Variants in GRIN3A observed in about 807,000 individuals in gnomAD.
The protein encoded by GRIN3A is glutamate receptor ionotropic, NMDA 3A.
Under a neutral mutation model 92.4 loss-of-function variants are expected in GRIN3A, and 47 were observed. The observed-to-expected ratio is 0.51, with a 90% CI of 0.40 to 0.65. GRIN3A has a LOEUF of 0.65. GRIN3A is among the 30% of genes least tolerant of loss of function. The pLI is 0.00. For missense variants in GRIN3A, 1,324 were observed against 1,393.1 expected (o/e 0.95, Z 0.79); for synonymous variants, 527 against 540.6 (o/e 0.97, Z 0.35).
In GRIN3A at chr9:101,670,456, G is replaced by A. The variant is rs1460546458; in HGVS notation, c.1956C>T (p.Ser652=). 6.2e-7 allele frequency: 1 copy of A among 1,614,008 alleles called. No individual in the cohort carries two copies. ...CTCGGGTCCTCACTAAGATGCCCAA[G>A]CTGGTGGAGAAGAAAGGGCTGGTGA... ...IDFTSPFFST[S]LGILVRTRDT... Residue 652 remains serine (S), a synonymous_variant, in exon 3 of 9, where the codon AGC becomes AGT. Coordinates refer to ENST00000361820, the MANE Select transcript of GRIN3A (RefSeq NM_133445.3).
At chr9:101,573,756 A>G (rs1192244677) in intron 8 of GRIN3A, among the ~76,000 whole-genome samples, 3 of 144,422 alleles carry the variant, frequency 2.1e-5, no homozygotes, top group Admixed American at 2.1e-4. Context: ...AAGGGATGAT[A>G]GGATGGGGTA....
intron 3 of GRIN3A, among the ~76,000 whole-genome samples, chr9:101,638,124 A>G (rs1828807964): frequency 6.6e-6 from 1 of 152,230 alleles, no homozygotes; most frequent in Admixed American, 6.5e-5. Context: ...ATAGCACTGC[A>G]GTACTCATTT....
chr9:101,594,627 A>G, intron 6 of GRIN3A: 1 of 1,614,222 alleles, frequency 6.2e-7, no homozygotes, highest in Non-Finnish European at 8.5e-7. Context: ...TCCATGTCGT[A>G]AATGCTGAAC....
chr9:101,726,429 C>G (rs573424527), intron 1 of GRIN3A, among the ~76,000 whole-genome samples: 1 of 152,294 alleles, frequency 6.6e-6, no homozygotes, highest in African/African-American at 2.4e-5. Context: ...GCTACCCAAA[C>G]ACCTTCTGGT....
chr9:101,644,829 T>TG (rs1260237624), intron 3 of GRIN3A, among the ~76,000 whole-genome samples: 3 of 151,946 alleles, frequency 2.0e-5, no homozygotes, highest in Non-Finnish European at 2.9e-5. Context: ...CCCCATTTTC[T>TG]GGGGCAGAGC....
intron 2 of GRIN3A, among the ~76,000 whole-genome samples, chr9:101,675,534 G>A (rs951621360): frequency 6.6e-6 from 1 of 151,946 alleles, no homozygotes; most frequent in Non-Finnish European, 1.5e-5. Flanking sequence ...CACTGTCCTA[G>A]GTGCTGGGGG....
intron 3 of GRIN3A, 122 bp downstream of exon 3, chr9:101,669,938 T>C (rs1465409262): frequency 1.3e-6 from 1 of 758,244 alleles, no homozygotes; most frequent in Non-Finnish European, 2.2e-6. Context: ...GACTAGTCTC[T>C]ATACTTGGCT....
chr9:101,575,645 A>G (rs1564117166), intron 8 of GRIN3A, among the ~76,000 whole-genome samples: 1 of 152,190 alleles, frequency 6.6e-6, no homozygotes, highest in Non-Finnish European at 1.5e-5. Flanking sequence ...TTCTCCAAGC[A>G]TTTCCTCAAA....
chr9:101,705,187 GC>G (rs1829798056), intron 1 of GRIN3A, among the ~76,000 whole-genome samples: 1 of 152,044 alleles, frequency 6.6e-6, no homozygotes, highest in African/African-American at 2.4e-5. Context: ...CCCATCCTGT[GC>G]CCATATAAAC....
chr9:101,676,769 C>T (rs954731302), intron 2 of GRIN3A, among the ~76,000 whole-genome samples: 11 of 151,926 alleles, frequency 7.2e-5, no homozygotes, highest in East Asian at 1.9e-4. Context: ...ATTTAGCTTG[C>T]GATCTACCAA....
chr9:101,720,250 A>G (rs1053533294), intron 1 of GRIN3A, among the ~76,000 whole-genome samples: 1 of 152,248 alleles, frequency 6.6e-6, no homozygotes, highest in African/African-American at 2.4e-5. Flanking sequence ...ATGTTTCAAT[A>G]ACAATGCCTC....
At chr9:101,624,204 T>A (rs1013910886) in intron 4 of GRIN3A, among the ~76,000 whole-genome samples, 23 of 152,192 alleles carry the variant, frequency 1.5e-4, no homozygotes, top group Admixed American at 5.2e-4. Flanking sequence ...ATTCCTTTTT[T>A]AAAAATTTTT....
chr9:101,578,096 C>T (rs143570057), intron 7 of GRIN3A, among the ~76,000 whole-genome samples: 52 of 152,242 alleles, frequency 3.4e-4, no homozygotes, highest in Middle Eastern at 6.8e-3. Flanking sequence ...TATTATAAAA[C>T]GGTATGTGAT....
chr9:101,729,490 CCTTT>C (rs1455463319), intron 1 of GRIN3A, among the ~76,000 whole-genome samples: 1 of 152,136 alleles, frequency 6.6e-6, no homozygotes, highest in African/African-American at 2.4e-5. Flanking sequence ...GTCTCCGCTT[CCTTT>C]ATCACATTGT....
chr9:101,596,118 C>T (rs536349510), intron 6 of GRIN3A, among the ~76,000 whole-genome samples: 12 of 152,312 alleles, frequency 7.9e-5, no homozygotes, highest in Non-Finnish European at 1.8e-4. Flanking sequence ...AACACTCCTT[C>T]GCTTTAAAAA....
At chr9:101,662,214 T>G (rs1247038539) in intron 3 of GRIN3A, among the ~76,000 whole-genome samples, 1 of 151,780 alleles carries the variant, frequency 6.6e-6, no homozygotes, top group African/African-American at 2.4e-5. Context: ...GGCAAGAAAT[T>G]TGTCTCCAAA....
At chr9:101,685,864 T>C (rs1457826073) in intron 2 of GRIN3A, among the ~76,000 whole-genome samples, 1 of 152,018 alleles carries the variant, frequency 6.6e-6, no homozygotes, top group Non-Finnish European at 1.5e-5. Context: ...ACAATGATTC[T>C]ATGGGTAATA....
At chr9:101,589,387 TA>T (rs1339963268) in intron 6 of GRIN3A, among the ~76,000 whole-genome samples, 1 of 152,220 alleles carries the variant, frequency 6.6e-6, no homozygotes, top group African/African-American at 2.4e-5. Flanking sequence ...AAATGACCCA[TA>T]AAAAGGGTGA....
At chr9:101,605,942 G>C (rs574833448) in intron 6 of GRIN3A, among the ~76,000 whole-genome samples, 1 of 152,170 alleles carries the variant, frequency 6.6e-6, no homozygotes, top group African/African-American at 2.4e-5. Flanking sequence ...AGTAAGATAC[G>C]CATTAAACTG....
Sources: gnomAD v4.1 joint callset for allele counts (sites outside exome capture counted in the v4.1 genomes callset) on GRCh38, gnomAD v4.1.1 for gene constraint, MANE v1.5 for transcripts, NCBI Gene and HGNC (gene_info 2026-07-23, HGNC 2026-07-21) for gene names.